Variants in PRR19 observed in about 807,000 individuals in gnomAD.
PRR19 encodes proline rich 19, also known as proline-rich protein 19.
In PRR19, 9 loss-of-function variants were observed where a neutral mutation model predicts 19.2. The observed-to-expected ratio is 0.47, with a 90% CI of 0.28 to 0.82. The LOEUF is 0.82. PRR19 is among the 40% of genes least tolerant of loss of function. The probability of loss-of-function intolerance (pLI) is 0.11; values close to 1 mark genes in which losing one functional copy is unlikely to be tolerated. For missense variants in PRR19, 457 were observed against 466.0 expected, an observed-to-expected ratio of 0.98 and a Z score of 0.18; for synonymous variants, 190 against 191.0, an observed-to-expected ratio of 0.99 and a Z score of 0.04.
intron 1 of PRR19, chr19:42,303,616 A>C (rs1351950350): frequency 6.6e-6 from 1 of 152,194 alleles, no homozygotes; most frequent in African/African-American, 2.4e-5. Flanking sequence ...ACTGAGACAG[A>C]GATGAGTGTT....
chr19:42,310,811 G>T lies in PRR19; in HGVS notation c.*71G>T. 1 of 1,064,650 alleles carries T rather than the reference G, an allele frequency of 9.4e-7. No individual in the cohort carries two copies. Among genetic ancestry groups the T allele is most frequent in the Admixed American group, 2.5e-5 (1 of 40,632 alleles). The allele number at this position is 1,064,650 out of a possible 1,614,324, so 66.0% of individuals were successfully genotyped here. A position where few individuals can be genotyped will look rare whatever the true frequency, so the allele number is the denominator to read the frequency against. ...GTGACCTCAATAAAGTACTTTTCATGGTCCTCTTGATTTTCAGTGAGTTGC... is the reference window on the plus strand; with the variant it reads ...GTGACCTCAATAAAGTACTTTTCATTGTCCTCTTGATTTTCAGTGAGTTGC... On this transcript the variant is annotated 3_prime_UTR_variant, in exon 3 of 3. Coordinates refer to ENST00000341747, the MANE Select transcript of PRR19 (RefSeq NM_199285.3).
intron 1 of PRR19, chr19:42,303,615 G>C (rs2038673863): frequency 6.6e-6 from 1 of 152,194 alleles, no homozygotes; most frequent in Non-Finnish European, 1.5e-5. Flanking sequence ...TACTGAGACA[G>C]AGATGAGTGT....
chr19:42,302,307 C>A lies in PRR19; in HGVS notation c.-203C>A, dbSNP rs1394237546. ...TGCTGGCTGGGTTCTCCTCTCCACT[C>A]ATCTTGGCGCCGCAGCTCCTGCAGG... On this transcript the variant is annotated 5_prime_UTR_variant, in exon 1 of 3. Coordinates refer to ENST00000341747, the MANE Select transcript of PRR19 (RefSeq NM_199285.3). 1 of 1,602,820 alleles carries A rather than the reference C, an allele frequency of 6.2e-7. No homozygotes were observed. The highest frequency in any genetic ancestry group is 1.7e-5 in the Admixed American group (1 of 59,022).
At position 42,310,307 on chromosome 19, in the gene PRR19, C is replaced by A. The variant is rs2038776070; in HGVS notation, c.638C>A (p.Pro213His). ...GGGGTCTCTGAGAGAAAGATGACAC[C>A]CTTCTGGATTAATAGCCCTGATCAA... ...KPGVSERKMTPFWINSPDQVP... is the reference protein window; with the variant it reads ...KPGVSERKMTHFWINSPDQVP... The change falls in exon 3 of 3, where the codon CCC (proline) becomes CAC (histidine). Residue 213 changes from proline (P) to histidine (H), a missense_variant. Pro to His is a moderately conservative substitution (Grantham distance 77). Transcript: ENST00000341747. The A allele has an allele frequency of 1.9e-6, 3 of 1,614,078 alleles. No individual in the cohort carries two copies. Among genetic ancestry groups the A allele is most frequent in the Middle Eastern group, 1.6e-4 (1 of 6,062 alleles).
intron 1 of PRR19, among the ~76,000 whole-genome samples, chr19:42,307,467 G>A (rs1472383122): frequency 1.3e-5 from 2 of 151,692 alleles, no homozygotes; most frequent in African/African-American, 4.9e-5. Flanking sequence ...ACAGAGTCTC[G>A]TTGTGTCCCC....
chr19:42,306,217 C>T (rs1599959738), intron 1 of PRR19, among the ~76,000 whole-genome samples: 1 of 152,200 alleles, frequency 6.6e-6, no homozygotes, highest in Non-Finnish European at 1.5e-5. Context: ...GAGTCTCGCT[C>T]TGTCGCCCAG....
At position 42,310,336 on chromosome 19, in the gene PRR19, C is replaced by T. The variant is rs747576749; in HGVS notation, c.667C>T (p.Pro223Ser). The T allele has an allele frequency of 3.7e-6, 6 of 1,614,020 alleles. No homozygotes were observed. Among genetic ancestry groups the T allele is most frequent in the Non-Finnish European group, 5.1e-6 (6 of 1,180,022 alleles). ...PFWINSPDQV[P>S]EQERQRKQQG... ...CTGGATTAATAGCCCTGATCAAGTC[C>T]CAGAGCAGGAGAGGCAAAGGAAGCA... The change falls in exon 3 of 3, where the codon CCA (proline) becomes TCA (serine). Residue 223 changes from proline to serine, a missense_variant. Pro to Ser is a moderately conservative substitution (Grantham distance 74). Transcript: ENST00000341747.
chr19:42,304,479 G>A (rs556737317), intron 1 of PRR19, among the ~76,000 whole-genome samples: 42 of 149,956 alleles, frequency 2.8e-4, no homozygotes, highest in South Asian at 4.2e-4. Context: ...AAGGCTGGGC[G>A]CGGTGGCTCA....
chr19:42,306,733 A>C (rs1326308619), intron 1 of PRR19, among the ~76,000 whole-genome samples: 2 of 152,188 alleles, frequency 1.3e-5, no homozygotes, highest in Non-Finnish European at 2.9e-5. Flanking sequence ...GCTGATAGCT[A>C]TCTGAACCAA....
At position 42,302,339 on chromosome 19, in the gene PRR19, G is replaced by A. The variant is rs1008542685; in HGVS notation, c.-171G>A. On this transcript the variant is annotated 5_prime_UTR_variant, in exon 1 of 3. Transcript: ENST00000341747. The stretch of plus-strand genomic sequence containing the variant: ...GCGCCGCAGCTCCTGCAGGATGAGC[G>A]AGTCGGGTCGGCCCGGGAGTGTTCC... 9 of 1,565,722 alleles carry A rather than the reference G, an allele frequency of 5.7e-6. No homozygotes were observed. Among genetic ancestry groups the A allele is most frequent in the East Asian group, 2.3e-5 (1 of 42,920 alleles).
intron 1 of PRR19, chr19:42,303,566 G>T (rs2038673280): frequency 6.6e-6 from 1 of 152,220 alleles, no homozygotes; most frequent in African/African-American, 2.4e-5. Context: ...CACTCCAGGT[G>T]GGACCTTCCC....
In PRR19 at chr19:42,310,761, T is replaced by G; in HGVS notation, c.*21T>G. 1 of 1,465,474 alleles carries G rather than the reference T, an allele frequency of 6.8e-7. No homozygotes were observed. The highest frequency in any genetic ancestry group is 9.2e-7 in the Non-Finnish European group (1 of 1,086,822). The allele number at this position is 1,465,474 out of a possible 1,614,324, so 90.8% of individuals were successfully genotyped here. On this transcript the variant is annotated 3_prime_UTR_variant, in exon 3 of 3. Transcript: ENST00000341747. ...ACTGAGGAGAGGCTGAGGCTAGGGC[T>G]GGGGACAGATATCTTGTACTCCCAG...
rs1352975614 is a variant in PRR19, at chr19:42,310,370, C to T, written c.701C>T (p.Thr234Ile). Reference protein sequence around the residue: ...EQERQRKQQGTKEFTFPMPYT... With the variant: ...EQERQRKQQGIKEFTFPMPYT... ...GAGAGGCAAAGGAAGCAACAAGGGA[C>T]AAAGGAGTTCACCTTCCCCATGCCC... Residue 234 changes from threonine (T) to isoleucine (I), a missense_variant, in exon 3 of 3, where the codon ACA becomes ATA. Physicochemically the swap from Thr to Ile is moderately conservative, Grantham distance 89. Coordinates refer to ENST00000341747, the MANE Select transcript of PRR19 (RefSeq NM_199285.3). 3.1e-6 allele frequency: 5 copies of T among 1,614,156 alleles called. No individual in the cohort carries two copies. The South Asian group carries it at 5.5e-5, about 18-fold the overall frequency.
chr19:42,304,470 A>C (rs78348316), intron 1 of PRR19, among the ~76,000 whole-genome samples: 11 of 147,858 alleles, frequency 7.4e-5, no homozygotes, highest in African/African-American at 2.7e-4. Context: ...AAAAAAAAAA[A>C]GGCTGGGCGC....
At chr19:42,304,331 T>C (rs1349192222) in intron 1 of PRR19, among the ~76,000 whole-genome samples, 2 of 150,466 alleles carry the variant, frequency 1.3e-5, no homozygotes, top group Non-Finnish European at 3.0e-5. Flanking sequence ...AAATAAAGTC[T>C]GAGGGAGCCA....
chr19:42,304,611 G>C (rs187588644), intron 1 of PRR19, among the ~76,000 whole-genome samples: 2 of 151,468 alleles, frequency 1.3e-5, no homozygotes, highest in African/African-American at 4.9e-5. Flanking sequence ...TTAGCGGGGC[G>C]TGGTGGCAGG....
In PRR19 at chr19:42,302,391, C is replaced by T; in HGVS notation, c.-119C>T. On this transcript the variant is annotated 5_prime_UTR_variant, in exon 1 of 3. Coordinates refer to ENST00000341747, the MANE Select transcript of PRR19 (RefSeq NM_199285.3). The stretch of plus-strand genomic sequence containing the variant: ...AACGGAGCTGGCTCCGCCACGCCCA[C>T]TCCTACCCCTCGCGGCAACAAAGGA... 1 of 1,260,726 alleles carries T rather than the reference C, an allele frequency of 7.9e-7. No homozygotes were observed. 78.1% of individuals were successfully genotyped at this position (1,260,726 alleles called of 1,614,324 possible).
chr19:42,310,811 G>A lies in PRR19; in HGVS notation c.*71G>A, dbSNP rs2038788716. ...GTGACCTCAATAAAGTACTTTTCAT[G>A]GTCCTCTTGATTTTCAGTGAGTTGC... is the stretch of plus-strand genomic sequence containing the variant. On this transcript the variant is annotated 3_prime_UTR_variant, in exon 3 of 3. Transcript: ENST00000341747. 3 of 1,064,650 alleles carry A rather than the reference G, an allele frequency of 2.8e-6. No individual in the cohort carries two copies. The highest frequency in any genetic ancestry group is 2.6e-4 in the Middle Eastern group (1 of 3,800). 66.0% of individuals were successfully genotyped at this position (1,064,650 alleles called of 1,614,324 possible).
Position 42,309,693 on chromosome 19 carries a change from C to A in PRR19, c.109C>A (p.Arg37Ser). 1 of 1,603,636 alleles carries A rather than the reference C, an allele frequency of 6.2e-7. No homozygotes were observed. ...RERNKALVGS[R>S]RPLAHHDPPV... is the part of the protein sequence containing the mutation. Reference sequence around the variant, plus strand: ...ACGTAACAAGGCCCTGGTGGGCAGCCGCCGGCCATTAGCCCACCACGATCC... The same window carrying A: ...ACGTAACAAGGCCCTGGTGGGCAGCAGCCGGCCATTAGCCCACCACGATCC... The change falls in exon 2 of 3, where the codon CGC becomes AGC. Residue 37 changes from arginine (R) to serine (S), a missense_variant. Transcript: ENST00000341747.
Sources: allele counts gnomAD v4.1 joint callset (sites outside exome capture counted in the v4.1 genomes callset), GRCh38; gene constraint gnomAD v4.1.1; transcripts MANE v1.5; gene names NCBI Gene and HGNC (gene_info 2026-07-23, HGNC 2026-07-21).